MYO3B: variants seen among roughly 807,000 people sequenced by gnomAD.
The protein encoded by MYO3B is myosin-IIIb.
Under a neutral mutation model 174.6 loss-of-function variants are expected in MYO3B, and 156 were observed. The ratio of observed to expected loss-of-function variants is 0.89; its 90% CI spans 0.78 to 1.02. The LOEUF (loss-of-function observed/expected upper bound fraction) is 1.02, where lower values mean the gene tolerates loss of function less well. Ranked by LOEUF, MYO3B falls within the 50% of genes least tolerant of loss-of-function variation. The probability of loss-of-function intolerance (pLI) is 0.00; values close to 1 mark genes in which losing one functional copy is unlikely to be tolerated. For synonymous variants in MYO3B, 563 were observed against 569.1 expected (o/e 0.99, Z 0.15); for missense variants, 1,632 against 1,639.4 (o/e 1.00, Z 0.08).
At chr2:170,369,686 T>G (rs1178888170) in intron 9 of MYO3B, among the ~76,000 whole-genome samples, 3 of 278 alleles carry the variant, frequency 0.011, no homozygotes, top group African/African-American at 0.029. Flanking sequence ...GAAATTTGGA[T>G]TTTTTTTTTT....
chr2:170,401,796 C>CTTTTTTTTTTT lies in MYO3B; in HGVS notation c.2129+110_2129+111insTTTTTTTTTTT, dbSNP rs1268110549. ...TTTGGTCCTCTCTGGGATTTTCTTT[C>CTTTTTTTTTTT]TTTTTCTTTTTTTTTTTTTTTGTGG... On this transcript the variant is annotated intron_variant, in intron 18 of 34. Coordinates refer to ENST00000408978, the MANE Select transcript of MYO3B (RefSeq NM_138995.5). The CTTTTTTTTTTT allele has an allele frequency of 1.1e-5, 9 of 794,384 alleles. No individual in the cohort carries two copies. In the African/African-American group the frequency reaches 1.7e-4, roughly 15 times the overall value. The allele number at this position is 794,384 out of a possible 1,614,324, so 49.2% of individuals were successfully genotyped here. A position where few individuals can be genotyped will look rare whatever the true frequency, so the allele number is the denominator to read the frequency against.
chr2:170,453,233 T>C (rs1575003023), intron 23 of MYO3B, among the ~76,000 whole-genome samples: 1 of 151,978 alleles, frequency 6.6e-6, no homozygotes, highest in African/African-American at 2.4e-5. Context: ...AAAGTAGGGG[T>C]TTAGGGGTCC....
At chr2:170,508,726 T>C (rs763225585) in intron 28 of MYO3B, among the ~76,000 whole-genome samples, 1 of 152,096 alleles carries the variant, frequency 6.6e-6, no homozygotes, top group Admixed American at 6.5e-5. Context: ...TTGGAAAGAG[T>C]TGAAATACTG....
At chr2:170,590,887 T>A (rs1415179611) in intron 32 of MYO3B, among the ~76,000 whole-genome samples, 2 of 152,162 alleles carry the variant, frequency 1.3e-5, no homozygotes, top group Non-Finnish European at 2.9e-5. Flanking sequence ...GCCGCAATAC[T>A]CTACACTCAC....
intron 7 of MYO3B, among the ~76,000 whole-genome samples, chr2:170,307,746 G>A (rs1298872477): frequency 6.6e-6 from 1 of 152,322 alleles, no homozygotes; most frequent in Non-Finnish European, 1.5e-5. Context: ...CCCATAGGTA[G>A]TGCAGCAAGA....
chr2:170,629,049 A>G (rs1696710903), intron 32 of MYO3B, among the ~76,000 whole-genome samples: 1 of 152,220 alleles, frequency 6.6e-6, no homozygotes, highest in African/African-American at 2.4e-5. Context: ...GGATTCATCC[A>G]TACCCACAGT....
chr2:170,355,892 C>T (rs550843100), intron 8 of MYO3B, among the ~76,000 whole-genome samples: 1 of 152,140 alleles, frequency 6.6e-6, no homozygotes, highest in South Asian at 2.1e-4. Context: ...GTTGGCCACC[C>T]AGGGAGAATT....
chr2:170,237,275 G>A (rs1549343), intron 7 of MYO3B, among the ~76,000 whole-genome samples: 75,173 of 151,942 alleles, frequency 0.49, 19,350 homozygotes, highest in East Asian at 0.71. Context: ...AATGGGAAAT[G>A]GTGTCTGGAA....
At position 170,654,473 on chromosome 2, in the gene MYO3B, TA is replaced by T. The variant is rs905696758; in HGVS notation, c.*1360del. ...CAACATGGTGAAACCCCGTCTCTAC[TA>T]AAAAAAATAATGATAATACAAAAAT... is the stretch of plus-strand genomic sequence containing the variant. On this transcript the variant is annotated 3_prime_UTR_variant, in exon 35 of 35. Coordinates refer to ENST00000408978, the MANE Select transcript of MYO3B (RefSeq NM_138995.5). 10 of 150,892 alleles carry T rather than the reference TA, an allele frequency of 6.6e-5. No individual in the cohort carries two copies. The highest frequency in any genetic ancestry group is 2.2e-4 in the African/African-American group (9 of 41,144). 9.3% of individuals were successfully genotyped at this position (150,892 alleles called of 1,614,324 possible).
At chr2:170,422,205 G>A (rs991276901) in intron 22 of MYO3B, among the ~76,000 whole-genome samples, 5 of 152,242 alleles carry the variant, frequency 3.3e-5, no homozygotes, top group Middle Eastern at 3.4e-3. Context: ...TGTTGTTGTT[G>A]TTGTTGTTGT....
chr2:170,188,984 C>CT (rs1007081429), intron 1 of MYO3B, among the ~76,000 whole-genome samples: 17 of 152,182 alleles, frequency 1.1e-4, no homozygotes, highest in African/African-American at 3.4e-4. Flanking sequence ...TTTTGACATC[C>CT]TTTTTTTCAG....
intron 9 of MYO3B, 21 bp downstream of exon 9, chr2:170,369,398 T>C: frequency 6.2e-7 from 1 of 1,601,524 alleles, no homozygotes. Flanking sequence ...CTCTTTCTTC[T>C]TTCTCCCTGT....
At chr2:170,425,256 C>G (rs529968805) in intron 22 of MYO3B, among the ~76,000 whole-genome samples, 20 of 152,316 alleles carry the variant, frequency 1.3e-4, no homozygotes, top group Admixed American at 1.3e-3. Flanking sequence ...GAACACAAGA[C>G]TGCCTTCTAA....
At chr2:170,303,130 T>G (rs1291043712) in intron 7 of MYO3B, among the ~76,000 whole-genome samples, 3 of 152,212 alleles carry the variant, frequency 2.0e-5, no homozygotes, top group Non-Finnish European at 4.4e-5. Context: ...TATAGTTTAC[T>G]ACTGTTGTAA....
intron 7 of MYO3B, among the ~76,000 whole-genome samples, chr2:170,278,314 A>G (rs2093478515): frequency 6.6e-6 from 1 of 152,170 alleles, no homozygotes; most frequent in South Asian, 2.1e-4. Flanking sequence ...GATTATATTC[A>G]GAATTCTTTC....
intron 32 of MYO3B, among the ~76,000 whole-genome samples, chr2:170,546,328 G>A (rs79669918): frequency 0.03 from 4,548 of 152,192 alleles, 214 homozygotes; most frequent in African/African-American, 0.1. Flanking sequence ...CCTAGGTCTC[G>A]AATTGAATTC....
At chr2:170,439,305 G>C (rs952807557) in intron 22 of MYO3B, among the ~76,000 whole-genome samples, 1 of 152,032 alleles carries the variant, frequency 6.6e-6, no homozygotes, top group South Asian at 2.1e-4. Context: ...CCAGGAAGTA[G>C]AGCTTGCAGT....
intron 32 of MYO3B, among the ~76,000 whole-genome samples, chr2:170,622,209 T>C (rs1695981960): frequency 6.6e-6 from 1 of 152,212 alleles, no homozygotes; most frequent in Non-Finnish European, 1.5e-5. Context: ...TAATTTCCAA[T>C]GTTGCAGTGT....
At chr2:170,581,516 TAAG>T (rs1205946038) in intron 32 of MYO3B, among the ~76,000 whole-genome samples, 1 of 152,190 alleles carries the variant, frequency 6.6e-6, no homozygotes, top group Non-Finnish European at 1.5e-5. Flanking sequence ...TTATGTGCCT[TAAG>T]AAGTCTTTCC....
Sources: allele counts gnomAD v4.1 joint callset (sites outside exome capture counted in the v4.1 genomes callset), GRCh38; gene constraint gnomAD v4.1.1; transcripts MANE v1.5; gene names NCBI Gene and HGNC (gene_info 2026-07-23, HGNC 2026-07-21).